The following EIF3I variants were observed in gnomAD, a reference collection of about 807,000 sequenced individuals.
EIF3I encodes the protein eukaryotic translation initiation factor 3 subunit I, also known as TGF-beta receptor-interacting protein 1.
In EIF3I, 20 loss-of-function variants were observed where a neutral mutation model predicts 43.3. The ratio of observed to expected loss-of-function variants is 0.46; its 90% CI spans 0.32 to 0.67. The LOEUF (loss-of-function observed/expected upper bound fraction) is 0.67. EIF3I is among the 30% of genes least tolerant of loss of function. EIF3I has a pLI of 0.03. For missense variants in EIF3I, 279 were observed against 421.4 expected (o/e 0.66, Z 2.96); for synonymous variants, 167 against 151.7 (o/e 1.10, Z -0.74).
chr1:32,226,145 G>A, intron 4 of EIF3I, 26 bp from the exon 5 acceptor site: 2 of 1,612,538 alleles, frequency 1.2e-6, no homozygotes, highest in Non-Finnish European at 1.7e-6. Flanking sequence ...AATGGATGGT[G>A]TAGCCCAGAC....
Position 32,230,926 on chromosome 1 carries a change from G to C in EIF3I, c.915-1G>C. ...AATTAATTGTGTCCCTTTTCCTCCA[G>C]GTTCTTCCATTTGGCCTTTGAAGAA... is the stretch of plus-strand genomic sequence containing the variant. On this transcript the variant is annotated splice_acceptor_variant, in intron 10 of 11. Coordinates refer to ENST00000676679, the Ensembl canonical transcript of EIF3I. LOFTEE classifies it high-confidence loss of function. The C allele has an allele frequency of 1.3e-6, 2 of 1,591,828 alleles. No individual in the cohort carries two copies. Among genetic ancestry groups the C allele is most frequent in the Non-Finnish European group, 1.7e-6 (2 of 1,174,320 alleles).
Position 32,226,159 on chromosome 1 carries a change from G to A in EIF3I, c.251-12G>A. 1.2e-6 allele frequency: 2 copies of A among 1,613,808 alleles called. No individual in the cohort carries two copies. Among genetic ancestry groups the A allele is most frequent in the Non-Finnish European group, 1.7e-6 (2 of 1,179,772 alleles). On this transcript the variant is annotated splice_polypyrimidine_tract_variant and intron_variant, in intron 4 of 11. Transcript: ENST00000676679. ...CAATGGATGGTGTAGCCCAGACTTT[G>A]CCTGACTCCAGGAAAGCAGCTGGCC...
chr1:32,228,999 A>C, intron 8 of EIF3I, 136 bp from the exon 9 acceptor site: 1 of 1,105,088 alleles, frequency 9.0e-7, no homozygotes, highest in South Asian at 1.5e-5. Flanking sequence ...GAGGTGGCAG[A>C]AGTGTCTGAT....
At chr1:32,235,980 G>A (rs1197796551), downstream of EIF3I, among the ~76,000 whole-genome samples, 1 of 152,086 alleles carries the variant, frequency 6.6e-6, no homozygotes, top group Non-Finnish European at 1.5e-5. Context: ...ACTGCCTTGA[G>A]GATAAAGTCT....
exon 2 of EIF3I, chr1:32,222,557 G>C: frequency 6.2e-7 from 1 of 1,614,188 alleles, no homozygotes; most frequent in Non-Finnish European, 8.5e-7. Flanking sequence ...CTACTGCAGG[G>C]CCATGAGCGG....
chr1:32,232,688 G>A (rs938376113), downstream of EIF3I, among the ~76,000 whole-genome samples: 16 of 152,186 alleles, frequency 1.1e-4, no homozygotes, highest in Admixed American at 8.5e-4. Context: ...GGATGAAGAC[G>A]GGGGGAGGGC....
chr1:32,231,096 C>T lies in EIF3I; in HGVS notation c.1008-19C>T. On this transcript the variant is annotated intron_variant, in intron 11 of 11. Coordinates refer to ENST00000676679, the Ensembl canonical transcript of EIF3I. ...TCCCAGAGTAAGCACCTGACTGGTG[C>T]CTGGCTATCTTTTTCCAGCTACAGC... is the stretch of plus-strand genomic sequence containing the variant. The T allele has an allele frequency of 6.2e-7, 1 of 1,614,040 alleles. No homozygotes were observed. The highest frequency in any genetic ancestry group is 8.5e-7 in the Non-Finnish European group (1 of 1,179,950).
At position 32,222,716 on chromosome 1, in the gene EIF3I, G is replaced by A. The variant is rs1639040436; in HGVS notation, c.96+86G>A. On this transcript the variant is annotated intron_variant, in intron 2 of 11. Coordinates refer to ENST00000676679, the Ensembl canonical transcript of EIF3I. Reference sequence around the variant, plus strand: ...GACACGCCAGTTTTGCCGTTAGCGGGGAACCAAAGAGCAGCCCATTGTGAG... The same window carrying A: ...GACACGCCAGTTTTGCCGTTAGCGGAGAACCAAAGAGCAGCCCATTGTGAG... The A allele has an allele frequency of 6.5e-6, 9 of 1,376,358 alleles. No individual in the cohort carries two copies. The South Asian group carries it at 9.4e-5, about 14-fold the overall frequency. The allele number at this position is 1,376,358 out of a possible 1,614,324, so 85.3% of individuals were successfully genotyped here. A position where few individuals can be genotyped will look rare whatever the true frequency, so the allele number is the denominator to read the frequency against.
intron 2 of EIF3I, among the ~76,000 whole-genome samples, chr1:32,222,940 A>C (rs1176070809): frequency 6.6e-6 from 1 of 152,162 alleles, no homozygotes; most frequent in African/African-American, 2.4e-5. Context: ...TACACACAAA[A>C]AAATTAGCCT....
At chr1:32,225,629 G>A (rs554026433) in intron 4 of EIF3I, among the ~76,000 whole-genome samples, 2 of 151,312 alleles carry the variant, frequency 1.3e-5, no homozygotes, top group South Asian at 2.1e-4. Context: ...TAATCCCATC[G>A]ACTCAGGAGG....
At chr1:32,222,410 C>A in exon 1 of EIF3I, 2 of 1,586,578 alleles carry the variant, frequency 1.3e-6, no homozygotes, top group South Asian at 1.1e-5. Context: ...CGGTCTTACT[C>A]ACGTTGCGGC....
Position 32,226,630 on chromosome 1 carries a change from CATCTCGGCTCACTGCG to C in EIF3I, c.528+102_528+117del, listed in dbSNP as rs1171072623. On this transcript the variant is annotated intron_variant, in intron 6 of 11. Coordinates refer to ENST00000676679, the Ensembl canonical transcript of EIF3I. ...TGCCCAGGCTGGAGTGCAGTGGCGC[CATCTCGGCTCACTGCG>C]ACCTCCACCTCCCTGGTTCAAGCAA... 9 of 1,235,818 alleles carry C rather than the reference CATCTCGGCTCACTGCG, an allele frequency of 7.3e-6. No individual in the cohort carries two copies. In the African/African-American group the frequency reaches 9.5e-5, roughly 13 times the overall value. The allele number at this position is 1,235,818 out of a possible 1,614,324, so 76.6% of individuals were successfully genotyped here.
intron 10 of EIF3I, among the ~76,000 whole-genome samples, chr1:32,230,458 G>A (rs1469039901): frequency 6.6e-6 from 1 of 151,982 alleles, no homozygotes; most frequent in Admixed American, 6.5e-5. Flanking sequence ...CTGGCCTCAA[G>A]TGATCCACCC....
At chr1:32,223,322 C>T (rs1569853569) in intron 2 of EIF3I, among the ~76,000 whole-genome samples, 3 of 152,172 alleles carry the variant, frequency 2.0e-5, no homozygotes, top group African/African-American at 7.2e-5. Flanking sequence ...CTCGCTCTGT[C>T]GCCTAGGCTG....
At chr1:32,229,401 T>C (rs1639198668) in intron 9 of EIF3I, among the ~76,000 whole-genome samples, 193 bp downstream of exon 9, 1 of 151,378 alleles carries the variant, frequency 6.6e-6, no homozygotes, top group Non-Finnish European at 1.5e-5. Flanking sequence ...CCCACCACCA[T>C]GCCTGGCTAA....
chr1:32,230,390 G>A (rs981077097), intron 10 of EIF3I, among the ~76,000 whole-genome samples: 4 of 151,880 alleles, frequency 2.6e-5, no homozygotes, highest in Non-Finnish European at 4.4e-5. Context: ...CATGGCCACC[G>A]TCCCTGGCTG....
At chr1:32,225,481 G>T (rs934279952) in intron 4 of EIF3I, among the ~76,000 whole-genome samples, 1 of 151,342 alleles carries the variant, frequency 6.6e-6, no homozygotes, top group African/African-American at 2.4e-5. Flanking sequence ...GGTGGCTCAC[G>T]CCTGTAATCC....
chr1:32,226,567 ATTTT>A (rs373073695), intron 6 of EIF3I, 37 bp downstream of exon 6: 20 of 1,294,962 alleles, frequency 1.5e-5, no homozygotes, highest in Middle Eastern at 2.8e-4. Flanking sequence ...TACCAGAATA[ATTTT>A]TTTTTTTTTT....
chr1:32,230,935 A>G (rs1557557038), exon 11 of EIF3I: 1 of 1,593,406 alleles, frequency 6.3e-7, no homozygotes, highest in Non-Finnish European at 8.5e-7. Flanking sequence ...AGGTTCTTCC[A>G]TTTGGCCTTT....
Sources: gnomAD v4.1 joint callset for allele counts (sites outside exome capture counted in the v4.1 genomes callset) on GRCh38, gnomAD v4.1.1 for gene constraint, MANE v1.5 for transcripts, NCBI Gene and HGNC (gene_info 2026-07-23, HGNC 2026-07-21) for gene names.